Variants in ZNF423 observed in about 807,000 individuals in gnomAD.
ZNF423 encodes Ebf-associated zinc finger protein.
Under a neutral mutation model 95.8 loss-of-function variants are expected in ZNF423, and 12 were observed. That is an observed-to-expected ratio of 0.13 (90% CI 0.08 to 0.20). The LOEUF (loss-of-function observed/expected upper bound fraction) is 0.20, where lower values mean the gene tolerates loss of function less well. ZNF423 is among the 10% of genes least tolerant of loss of function. The probability of loss-of-function intolerance (pLI) is 1.00; values close to 1 mark genes in which losing one functional copy is unlikely to be tolerated. For synonymous variants in ZNF423, 749 were observed against 711.9 expected (o/e 1.05, Z -0.83); for missense variants, 1,316 against 1,737.1 (o/e 0.76, Z 4.31).
chr16:49,651,354 A>C (rs1002497739), intron 3 of ZNF423, among the ~76,000 whole-genome samples: 2 of 152,106 alleles, frequency 1.3e-5, no homozygotes, highest in Non-Finnish European at 2.9e-5. Context: ...AAGGAGAAGA[A>C]GGCCTGGGAG....
chr16:49,819,439 G>C (rs1005851491), intron 1 of ZNF423, among the ~76,000 whole-genome samples: 1 of 151,810 alleles, frequency 6.6e-6, no homozygotes, highest in Non-Finnish European at 1.5e-5. Flanking sequence ...AGTAATCATA[G>C]GCTCATCCAC....
chr16:49,854,150 C>T (rs1284665833), intron 1 of ZNF423: 2 of 985,276 alleles, frequency 2.0e-6, no homozygotes, highest in African/African-American at 3.5e-5. Flanking sequence ...TCAGAACACC[C>T]TCTGAACCCC....
chr16:49,710,185 G>T (rs1033439649), intron 3 of ZNF423, among the ~76,000 whole-genome samples: 3 of 152,184 alleles, frequency 2.0e-5, no homozygotes, highest in African/African-American at 7.2e-5. Context: ...TAACAATAAT[G>T]ACAATAATCT....
At chr16:49,840,145 C>A (rs2035167736) in intron 1 of ZNF423, among the ~76,000 whole-genome samples, 2 of 152,142 alleles carry the variant, frequency 1.3e-5, no homozygotes, top group Non-Finnish European at 2.9e-5. Flanking sequence ...AACCGTGCCC[C>A]AGATAAGAGG....
At chr16:49,609,224 G>T (rs1431195404) in intron 5 of ZNF423, among the ~76,000 whole-genome samples, 1 of 152,152 alleles carries the variant, frequency 6.6e-6, no homozygotes, top group Non-Finnish European at 1.5e-5. Context: ...CACCCCTTCT[G>T]CACTGGAGTG....
intron 2 of ZNF423, among the ~76,000 whole-genome samples, chr16:49,762,907 C>T (rs1418257621): frequency 3.9e-5 from 6 of 152,210 alleles, no homozygotes. Context: ...TTAATCTCAT[C>T]AGTTCTTTTC....
intron 1 of ZNF423, among the ~76,000 whole-genome samples, chr16:49,845,398 C>A (rs920446472): frequency 6.6e-6 from 1 of 151,824 alleles, no homozygotes; most frequent in Non-Finnish European, 1.5e-5. Flanking sequence ...AGCCACTGCG[C>A]CCAGCAATTT....
At chr16:49,672,158 G>A (rs773052568) in intron 3 of ZNF423, among the ~76,000 whole-genome samples, 5 of 152,048 alleles carry the variant, frequency 3.3e-5, no homozygotes, top group Admixed American at 1.3e-4. Context: ...AAAACATATC[G>A]GTATTCACTA....
intron 3 of ZNF423, among the ~76,000 whole-genome samples, chr16:49,706,343 T>C (rs2032349967): frequency 6.6e-6 from 1 of 152,196 alleles, no homozygotes; most frequent in Admixed American, 6.5e-5. Flanking sequence ...AGCCTTCAAG[T>C]TCTCACCTCC....
At chr16:49,604,420 G>A (rs760053534) in intron 5 of ZNF423, among the ~76,000 whole-genome samples, 2 of 151,976 alleles carry the variant, frequency 1.3e-5, no homozygotes, top group African/African-American at 2.4e-5. Flanking sequence ...AGAGCAAGGC[G>A]TCACCCAACC....
chr16:49,502,994 A>C (rs946571694), intron 7 of ZNF423, among the ~76,000 whole-genome samples: 2 of 150,874 alleles, frequency 1.3e-5, no homozygotes, highest in Non-Finnish European at 3.0e-5. Flanking sequence ...GATACCCCAC[A>C]ATCCCATGCA....
chr16:49,737,561 A>T (rs2033316366), intron 2 of ZNF423, among the ~76,000 whole-genome samples: 1 of 152,198 alleles, frequency 6.6e-6, no homozygotes. Flanking sequence ...CACCCAGCTG[A>T]TCCTGACTCT....
At chr16:49,753,955 C>T (rs2033677812) in intron 2 of ZNF423, among the ~76,000 whole-genome samples, 1 of 150,146 alleles carries the variant, frequency 6.7e-6, no homozygotes, top group Admixed American at 6.7e-5. Context: ...CACTTGAACA[C>T]GGGAGGAGAA....
intron 1 of ZNF423, among the ~76,000 whole-genome samples, chr16:49,804,512 C>A (rs1029976931): frequency 2.6e-5 from 4 of 152,204 alleles, no homozygotes; most frequent in South Asian, 4.2e-4. Flanking sequence ...TATGAGGAGA[C>A]CTGGGAACAG....
intron 3 of ZNF423, among the ~76,000 whole-genome samples, chr16:49,701,645 T>G (rs1308954908): frequency 6.6e-6 from 1 of 152,200 alleles, no homozygotes; most frequent in Non-Finnish European, 1.5e-5. Flanking sequence ...AAATAATTTA[T>G]TTTTAAACAA....
At chr16:49,659,864 G>A (rs2030111593) in intron 3 of ZNF423, among the ~76,000 whole-genome samples, 1 of 152,178 alleles carries the variant, frequency 6.6e-6, no homozygotes, top group Admixed American at 6.5e-5. Context: ...CAGCTCCACG[G>A]TCCCCAAATG....
rs192705181 is a variant in ZNF423 at position 49,852,673 on chromosome 16, A to G, written c.40+3062T>C. Among the ~76,000 whole-genome samples the G allele has an allele frequency of 8.5e-5, 13 of 152,186 alleles. No homozygotes were observed. The East Asian group carries it at 1.9e-3, about 23-fold the overall frequency. ...TAGGGAGGGAAAATCGGTCAGAAAA[A>G]TGTGACTTTTATAACACTCCCGGCT... On this transcript the variant is annotated intron_variant, in intron 1 of 7. Transcript: ENST00000563137.
intron 5 of ZNF423, among the ~76,000 whole-genome samples, chr16:49,590,033 T>C (rs1359597601): frequency 7.3e-6 from 1 of 136,742 alleles, no homozygotes; most frequent in Non-Finnish European, 1.6e-5. Context: ...GTGGCGAATA[T>C]ATATATATAT....
At chr16:49,822,057 G>T (rs2034949639) in intron 1 of ZNF423, among the ~76,000 whole-genome samples, 1 of 152,192 alleles carries the variant, frequency 6.6e-6, no homozygotes, top group African/African-American at 2.4e-5. Flanking sequence ...CACTCCAGCA[G>T]TCCCTGGTTG....
Sources: allele counts gnomAD v4.1 joint callset (sites outside exome capture counted in the v4.1 genomes callset), GRCh38; gene constraint gnomAD v4.1.1; transcripts MANE v1.5; gene names NCBI Gene and HGNC (gene_info 2026-07-23, HGNC 2026-07-21).